Variants in KCTD16 observed in about 807,000 individuals in gnomAD.
KCTD16 encodes the protein potassium channel tetramerization domain containing 16.
Under a neutral mutation model 33.2 loss-of-function variants are expected in KCTD16, and 13 were observed. That is an observed-to-expected ratio of 0.39 (90% CI 0.25 to 0.62). The LOEUF is 0.62. Among genes scored for constraint, KCTD16 ranks in the 20% least tolerant of loss-of-function variants. The probability of loss-of-function intolerance (pLI) is 0.50; values close to 1 mark genes in which losing one functional copy is unlikely to be tolerated. For missense variants in KCTD16, 441 were observed against 525.1 expected (o/e 0.84, Z 1.57); for synonymous variants, 197 against 195.3 (o/e 1.01, Z -0.07).
At chr5:144,450,808 G>A (rs985989894) in intron 3 of KCTD16, among the ~76,000 whole-genome samples, 17 of 152,004 alleles carry the variant, frequency 1.1e-4, no homozygotes, top group Non-Finnish European at 2.5e-4. Flanking sequence ...GGAGCAAGTG[G>A]GGAGTTGCTG....
At position 144,313,341 on chromosome 5, in the gene KCTD16, T is replaced by C. The variant is rs192258882; in HGVS notation, c.832+105795T>C. On this transcript the variant is annotated intron_variant, in intron 3 of 3. Coordinates refer to ENST00000512467, the MANE Select transcript of KCTD16 (RefSeq NM_020768.4). ...ACAAAGATCTGAACTTTTGCCAGCT[T>C]CAGTTTTCTGCCAAACACACCCTGT... is the stretch of plus-strand genomic sequence containing the variant. 1.9e-4 allele frequency among the ~76,000 whole-genome samples: 29 copies of C among 152,302 alleles called. No individual in the cohort carries two copies. In the East Asian group the frequency reaches 4.4e-3, roughly 23 times the overall value.
intron 2 of KCTD16, among the ~76,000 whole-genome samples, chr5:144,175,277 T>C (rs1752477650): frequency 6.6e-6 from 1 of 152,186 alleles, no homozygotes; most frequent in Non-Finnish European, 1.5e-5. Flanking sequence ...TAAACATTAT[T>C]ATGGTAGAAA....
chr5:144,375,950 C>T (rs1482549654), intron 3 of KCTD16, among the ~76,000 whole-genome samples: 3 of 151,850 alleles, frequency 2.0e-5, no homozygotes, highest in Admixed American at 2.0e-4. Context: ...CAGGAGAATT[C>T]CTAGCTTGAA....
intron 3 of KCTD16, among the ~76,000 whole-genome samples, chr5:144,306,604 G>A (rs577359680): frequency 6.6e-6 from 1 of 152,178 alleles, no homozygotes; most frequent in Non-Finnish European, 1.5e-5. Flanking sequence ...AGGACTAAGT[G>A]ACTTTCCCCT....
intron 3 of KCTD16, among the ~76,000 whole-genome samples, chr5:144,453,534 A>T (rs1242448648): frequency 6.6e-6 from 1 of 152,194 alleles, no homozygotes; most frequent in Non-Finnish European, 1.5e-5. Flanking sequence ...ATGAGTCCAC[A>T]TTAACTGCAG....
chr5:144,452,165 T>TATATATA (rs1561613198), intron 3 of KCTD16, among the ~76,000 whole-genome samples: 1 of 148,278 alleles, frequency 6.7e-6, no homozygotes, highest in African/African-American at 2.5e-5. Context: ...TATATATATA[T>TATATATA]TCCTGTCACT....
chr5:144,456,325 TAAAG>T (rs1157614567), intron 3 of KCTD16, among the ~76,000 whole-genome samples: 2 of 152,112 alleles, frequency 1.3e-5, no homozygotes, highest in African/African-American at 4.8e-5. Context: ...TATTAATACA[TAAAG>T]AAAATACATA....
intron 3 of KCTD16, among the ~76,000 whole-genome samples, chr5:144,232,303 C>T (rs1226579660): frequency 2.0e-5 from 3 of 152,186 alleles, no homozygotes; most frequent in African/African-American, 7.2e-5. Context: ...CAGATATTCT[C>T]CTAATGATGC....
chr5:144,364,970 A>G (rs547707199), intron 3 of KCTD16, among the ~76,000 whole-genome samples: 1 of 152,082 alleles, frequency 6.6e-6, no homozygotes, highest in South Asian at 2.1e-4. Context: ...AATTATCATT[A>G]GAGATTGCTT....
chr5:144,307,749 G>A (rs1307951235), intron 3 of KCTD16, among the ~76,000 whole-genome samples: 5 of 152,206 alleles, frequency 3.3e-5, no homozygotes, highest in African/African-American at 4.8e-5. Context: ...AAGAATTTAT[G>A]TACATTAAGG....
chr5:144,299,141 TATATA>T (rs1561558801), intron 3 of KCTD16, among the ~76,000 whole-genome samples: 36 of 28,604 alleles, frequency 1.3e-3, no homozygotes, highest in Non-Finnish European at 1.7e-3. Context: ...TATATATATA[TATATA>T]TATTTTTTTT....
chr5:144,325,289 G>T (rs1752176783), intron 3 of KCTD16, among the ~76,000 whole-genome samples: 1 of 152,070 alleles, frequency 6.6e-6, no homozygotes, highest in South Asian at 2.1e-4. Flanking sequence ...ATTTCTGATG[G>T]ACTCCTTTCT....
chr5:144,239,720 C>T (rs903816902), intron 3 of KCTD16, among the ~76,000 whole-genome samples: 11 of 152,048 alleles, frequency 7.2e-5, no homozygotes, highest in African/African-American at 2.7e-4. Flanking sequence ...ATCTTATAGT[C>T]TGATGAAAAA....
rs1754644750 is a variant in KCTD16 at position 144,478,729 on chromosome 5, G to T, written c.*4615G>T. 6.6e-6 allele frequency: 1 copy of T among 151,952 alleles called. No individual in the cohort carries two copies. The highest frequency in any genetic ancestry group is 2.4e-5 in the African/African-American group (1 of 41,404). 9.4% of individuals were successfully genotyped at this position (151,952 alleles called of 1,614,324 possible). A position where few individuals can be genotyped will look rare whatever the true frequency, so the allele number is the denominator to read the frequency against. The stretch of plus-strand genomic sequence containing the variant: ...CCAAGAGTTCCTTTACTCCTTAGAA[G>T]CACTTCCTCATTTTCTCTTACTTTC... On this transcript the variant is annotated 3_prime_UTR_variant, in exon 4 of 4. Coordinates refer to ENST00000512467, the MANE Select transcript of KCTD16 (RefSeq NM_020768.4).
intron 3 of KCTD16, among the ~76,000 whole-genome samples, chr5:144,348,681 T>C (rs1484951525): frequency 6.6e-6 from 1 of 152,226 alleles, no homozygotes; most frequent in Non-Finnish European, 1.5e-5. Flanking sequence ...ATTAAGAACA[T>C]GCTTTGTTAT....
chr5:144,256,207 G>T (rs1415632231), intron 3 of KCTD16, among the ~76,000 whole-genome samples: 1 of 152,168 alleles, frequency 6.6e-6, no homozygotes, highest in African/African-American at 2.4e-5. Context: ...TGTGGGAATA[G>T]ATGCAGCATC....
intron 3 of KCTD16, among the ~76,000 whole-genome samples, chr5:144,349,121 CT>C (rs1189381059): frequency 6.6e-6 from 1 of 152,122 alleles, no homozygotes; most frequent in East Asian, 1.9e-4. Context: ...GGTTGCAGAC[CT>C]TAAGAATAAA....
At chr5:144,230,268 A>G (rs916360826) in intron 3 of KCTD16, among the ~76,000 whole-genome samples, 4 of 152,238 alleles carry the variant, frequency 2.6e-5, no homozygotes, top group Non-Finnish European at 5.9e-5. Context: ...CGTCTTTGCC[A>G]GTATAAAAGT....
rs573868130 is a variant in KCTD16, at chr5:144,195,685, A to T, written c.-326-10704A>T. 3.9e-5 allele frequency among the ~76,000 whole-genome samples: 6 copies of T among 152,342 alleles called. No individual in the cohort carries two copies. In the East Asian group the frequency reaches 1.2e-3, roughly 29 times the overall value. ...ACACATATAAAATATTTCTGAGATC[A>T]TCAGCACTCTAATGAATCAGCCCTG... On this transcript the variant is annotated intron_variant, in intron 2 of 3. Transcript: ENST00000512467.
Sources: gnomAD v4.1 joint callset for allele counts (sites outside exome capture counted in the v4.1 genomes callset) on GRCh38, gnomAD v4.1.1 for gene constraint, MANE v1.5 for transcripts, NCBI Gene and HGNC (gene_info 2026-07-23, HGNC 2026-07-21) for gene names.